The following BCAS3 variants were observed in gnomAD, a reference collection of about 807,000 sequenced individuals.
BCAS3 encodes the protein BCAS4/BCAS3 fusion.
In BCAS3, 53 loss-of-function variants were observed where a neutral mutation model predicts 116.1. The ratio of observed to expected loss-of-function variants is 0.46; its 90% CI spans 0.37 to 0.57. The LOEUF (loss-of-function observed/expected upper bound fraction) is 0.57. Among genes scored for constraint, BCAS3 ranks in the 20% least tolerant of loss-of-function variants. The pLI, the probability that BCAS3 is intolerant of heterozygous loss-of-function variation, is 0.00. For missense variants in BCAS3, 917 were observed against 1,165.4 expected, an observed-to-expected ratio of 0.79 and a Z score of 3.10; for synonymous variants, 391 against 408.2, an observed-to-expected ratio of 0.96 and a Z score of 0.51.
intron 22 of BCAS3, among the ~76,000 whole-genome samples, chr17:61,110,705 A>C (rs1423321156): frequency 2.0e-5 from 3 of 152,146 alleles, no homozygotes; most frequent in Non-Finnish European, 2.9e-5. Flanking sequence ...TAGGTAAACA[A>C]AGCAGCCGGG....
chr17:61,245,916 T>C (rs945204560), intron 22 of BCAS3, among the ~76,000 whole-genome samples: 1 of 152,194 alleles, frequency 6.6e-6, no homozygotes, highest in African/African-American at 2.4e-5. Flanking sequence ...GGTCCATTAT[T>C]GGTGCACTCA....
chr17:61,088,200 G>A lies in BCAS3; in HGVS notation c.2425+3636G>A, dbSNP rs944996683. ...CTGTCTCAAAAAGACAAAACAAAAC[G>A]AAACAAAACAAAAACCATCCTACCT... On this transcript the variant is annotated intron_variant, in intron 22 of 23. Transcript: ENST00000407086. The surrounding 1 kb of genome is among the most constrained non-coding windows in gnomAD (Gnocchi z 4.2). 1.3e-5 allele frequency among the ~76,000 whole-genome samples: 2 copies of A among 151,982 alleles called. No individual in the cohort carries two copies. The highest frequency in any genetic ancestry group is 2.9e-5 in the Non-Finnish European group (2 of 67,970).
chr17:61,260,922 A>G (rs2049149983), intron 22 of BCAS3, among the ~76,000 whole-genome samples: 1 of 152,214 alleles, frequency 6.6e-6, no homozygotes, highest in Non-Finnish European at 1.5e-5. Flanking sequence ...GTACTGTTAC[A>G]GTTGAAAAGC....
rs1450335168 is a variant in BCAS3 at position 61,380,376 on chromosome 17, A to C, written c.2594-11601A>C. 1.0e-5 allele frequency: 8 copies of C among 774,476 alleles called. No individual in the cohort carries two copies. The highest frequency in any genetic ancestry group is 1.5e-5 in the Non-Finnish European group (7 of 462,030). The allele number at this position is 774,476 out of a possible 1,614,324, so 48.0% of individuals were successfully genotyped here. ...GTGCTGTGCCTGGGAACAGACCATG[A>C]ACACCCCCGCAAAGCTCTCAGTGGT... On this transcript the variant is annotated intron_variant, in intron 23 of 23. Transcript: ENST00000407086. The surrounding 1 kb of genome is among the most constrained non-coding windows in gnomAD (Gnocchi z 4.2).
At chr17:60,712,385 A>G (rs1198662046) in intron 5 of BCAS3, among the ~76,000 whole-genome samples, 2 of 151,816 alleles carry the variant, frequency 1.3e-5, no homozygotes, top group Non-Finnish European at 2.9e-5. Context: ...TGGGAAGGAA[A>G]AAAAAAAAAG....
Position 61,134,331 on chromosome 17 carries a change from T to C in BCAS3, c.2425+49767T>C, listed in dbSNP as rs1248887274. Reference sequence around the variant, plus strand: ...TCAGACTTTATGAGCATTGTCTCATTTTTCATCGTTTTATAAATTAGGAAA... The same window carrying C: ...TCAGACTTTATGAGCATTGTCTCATCTTTCATCGTTTTATAAATTAGGAAA... On this transcript the variant is annotated intron_variant, in intron 22 of 23. Coordinates refer to ENST00000407086, the MANE Select transcript of BCAS3 (RefSeq NM_017679.5). The surrounding 1 kb of genome is among the most constrained non-coding windows in gnomAD (Gnocchi z 4.6). 6.6e-6 allele frequency among the ~76,000 whole-genome samples: 1 copy of C among 152,188 alleles called. No individual in the cohort carries two copies. Among genetic ancestry groups the C allele is most frequent in the Non-Finnish European group, 1.5e-5 (1 of 68,032 alleles).
rs2077078902 is a variant in BCAS3, at chr17:61,144,250, T to C, written c.2425+59686T>C. The stretch of plus-strand genomic sequence containing the variant: ...GGGTTATAGTATCCTGAAGACTTCA[T>C]TTCTTTCTCTGAAGACACAACTATC... On this transcript the variant is annotated intron_variant, in intron 22 of 23. Coordinates refer to ENST00000407086, the MANE Select transcript of BCAS3 (RefSeq NM_017679.5). The surrounding 1 kb of genome is among the most constrained non-coding windows in gnomAD (Gnocchi z 5.0). Among the ~76,000 whole-genome samples the C allele has an allele frequency of 6.6e-6, 1 of 152,112 alleles. No homozygotes were observed. Among genetic ancestry groups the C allele is most frequent in the Non-Finnish European group, 1.5e-5 (1 of 68,012 alleles).
chr17:61,312,624 T>C (rs1437608540), intron 22 of BCAS3, among the ~76,000 whole-genome samples: 1 of 152,200 alleles, frequency 6.6e-6, no homozygotes, highest in Non-Finnish European at 1.5e-5. Flanking sequence ...GAGTTGCTTC[T>C]GTCCTGGAAC....
intron 14 of BCAS3, among the ~76,000 whole-genome samples, chr17:60,955,407 A>ATTTTT (rs2061075495): frequency 3.7e-5 from 4 of 107,178 alleles, no homozygotes; most frequent in African/African-American, 1.4e-4. Flanking sequence ...TTTTTTTTTG[A>ATTTTT]GACAGAGTCT....
At chr17:61,125,611 T>C (rs1289177727) in intron 22 of BCAS3, among the ~76,000 whole-genome samples, 7 of 152,190 alleles carry the variant, frequency 4.6e-5, no homozygotes, top group Admixed American at 4.6e-4. Flanking sequence ...AAATGAAATG[T>C]TTGTGATTGC....
At chr17:60,791,885 G>T (rs2046796584) in intron 6 of BCAS3, among the ~76,000 whole-genome samples, 1 of 152,126 alleles carries the variant, frequency 6.6e-6, no homozygotes, top group Non-Finnish European at 1.5e-5. Flanking sequence ...AGCACTTTGG[G>T]GGGCTGAGGC....
chr17:61,291,507 A>T (rs2052406099), intron 22 of BCAS3, among the ~76,000 whole-genome samples: 1 of 152,212 alleles, frequency 6.6e-6, no homozygotes, highest in African/African-American at 2.4e-5. Context: ...AAGTTTGGAA[A>T]GGGTTCACAC....
At chr17:61,375,247 T>TGTGTGCGCGCGCGCGCACAC (rs1555861860) in intron 23 of BCAS3, among the ~76,000 whole-genome samples, 17 of 129,828 alleles carry the variant, frequency 1.3e-4, no homozygotes, top group African/African-American at 7.7e-4. Flanking sequence ...TGTGTGTGTG[T>TGTGTGCGCGCGCGCGCACAC]GTGTGTGTAC....
intron 6 of BCAS3, among the ~76,000 whole-genome samples, chr17:60,758,425 G>T (rs1357284596): frequency 2.6e-5 from 4 of 151,648 alleles, no homozygotes; most frequent in African/African-American, 9.7e-5. Context: ...CTTTTATTCT[G>T]CTAATTTTGA....
chr17:61,346,351 G>T lies in BCAS3; in HGVS notation c.2426-21976G>T, dbSNP rs2057504716. 6.6e-6 allele frequency among the ~76,000 whole-genome samples: 1 copy of T among 152,200 alleles called. No homozygotes were observed. The highest frequency in any genetic ancestry group is 2.1e-4 in the South Asian group (1 of 4,830). ...AAATCAGGAGAAAACTTTTTTAAAT[G>T]CCTGAAAGGAATGTTATATGAGATG... On this transcript the variant is annotated intron_variant, in intron 22 of 23. Coordinates refer to ENST00000407086, the MANE Select transcript of BCAS3 (RefSeq NM_017679.5). This position sits in a 1 kb window ranked among gnomAD's most constrained non-coding sequence, Gnocchi z 5.4.
chr17:61,071,217 A>C (rs2071399603), intron 19 of BCAS3, among the ~76,000 whole-genome samples: 1 of 152,246 alleles, frequency 6.6e-6, no homozygotes, highest in Non-Finnish European at 1.5e-5. Context: ...AATAATTTAT[A>C]GCTAACTTAA....
In BCAS3 at chr17:61,339,114, G is replaced by A. The variant is rs1307805396; in HGVS notation, c.2426-29213G>A. 6.6e-6 allele frequency among the ~76,000 whole-genome samples: 1 copy of A among 152,034 alleles called. No homozygotes were observed. Reference sequence around the variant, plus strand: ...GACTCTATTACTCAATCAGTGACATGTGACCCCCTGGGAAGGTTGTTCTGT... The same window carrying A: ...GACTCTATTACTCAATCAGTGACATATGACCCCCTGGGAAGGTTGTTCTGT... On this transcript the variant is annotated intron_variant, in intron 22 of 23. Coordinates refer to ENST00000407086, the MANE Select transcript of BCAS3 (RefSeq NM_017679.5). The surrounding 1 kb of genome is among the most constrained non-coding windows in gnomAD (Gnocchi z 4.4).
intron 10 of BCAS3, among the ~76,000 whole-genome samples, chr17:60,896,112 G>A (rs1476194796): frequency 6.6e-6 from 1 of 152,130 alleles, no homozygotes; most frequent in African/African-American, 2.4e-5. Context: ...AATGACTTGA[G>A]GTCAGGAGTT....
intron 22 of BCAS3, among the ~76,000 whole-genome samples, chr17:61,158,740 G>A (rs769869839): frequency 2.0e-5 from 3 of 152,088 alleles, no homozygotes; most frequent in African/African-American, 7.2e-5. Context: ...ATTTGATTTC[G>A]ATTTCATTGG....
Sources: allele counts gnomAD v4.1 joint callset (sites outside exome capture counted in the v4.1 genomes callset), GRCh38; gene constraint gnomAD v4.1.1; non-coding constraint Gnocchi (gnomAD v3.1); transcripts MANE v1.5; gene names NCBI Gene and HGNC (gene_info 2026-07-23, HGNC 2026-07-21).